NR4A1: variants seen among roughly 807,000 people sequenced by gnomAD.
NR4A1 encodes nuclear receptor subfamily 4immunitygroup A member 1.
In NR4A1, 24 loss-of-function variants were observed where a neutral mutation model predicts 47.5. The ratio of observed to expected loss-of-function variants is 0.50; its 90% CI spans 0.37 to 0.71. The LOEUF is 0.71. NR4A1 is among the 30% of genes least tolerant of loss of function. NR4A1 has a pLI of 0.00. For synonymous variants in NR4A1, 353 were observed against 345.7 expected, an observed-to-expected ratio of 1.02 and a Z score of -0.24; for missense variants, 669 against 788.6, an observed-to-expected ratio of 0.85 and a Z score of 1.82.
At chr12:52,029,518 T>C (rs1377711894) in intron 1 of NR4A1, among the ~76,000 whole-genome samples, 3 of 152,002 alleles carry the variant, frequency 2.0e-5, no homozygotes, top group Non-Finnish European at 4.4e-5. Context: ...TGAAACCCCG[T>C]CTCTACAAAA....
At chr12:52,028,150 C>T (rs1938036387) in intron 1 of NR4A1, among the ~76,000 whole-genome samples, 1 of 127,622 alleles carries the variant, frequency 7.8e-6, no homozygotes, top group Non-Finnish European at 1.6e-5. Context: ...TGCAGTGAGC[C>T]AAGATTGTGC....
intron 3 of NR4A1, 62 bp from the exon 4 acceptor site, chr12:52,056,432 C>A: frequency 1.9e-6 from 3 of 1,586,650 alleles, no homozygotes; most frequent in Non-Finnish European, 2.6e-6. Context: ...GTGTGCACGG[C>A]TTGGGCTGAG....
Position 52,032,172 on chromosome 12 carries a change from G to A in NR4A1, c.-84+9233G>A, listed in dbSNP as rs568785765. On this transcript the variant is annotated intron_variant, in intron 1 of 7. Transcript: ENST00000360284. ...ATGTTATTTCTAGGTGTATTTGTGA[G>A]GCTGTTTCTGGAAGAGATTAGTATT... Among the ~76,000 whole-genome samples the A allele has an allele frequency of 3.3e-5, 5 of 152,308 alleles. No homozygotes were observed. In the East Asian group the frequency reaches 5.8e-4, roughly 18 times the overall value.
At position 52,043,776 on chromosome 12, in the gene NR4A1, G is replaced by A. The variant is rs116931401; in HGVS notation, c.37+1847G>A. On this transcript the variant is annotated intron_variant, in intron 2 of 7. Transcript: ENST00000360284. ...CAGCCTCGGCTGTGAGGATAGGCTGGCTGGGCAGCACGTCTCTCCCCACAG... is the reference window on the plus strand; with the variant it reads ...CAGCCTCGGCTGTGAGGATAGGCTGACTGGGCAGCACGTCTCTCCCCACAG... The A allele has an allele frequency of 5.0e-3, 6,423 of 1,287,464 alleles. 14 individuals carry two copies. Among genetic ancestry groups the A allele is most frequent in the Non-Finnish European group, 5.8e-3 (5,731 of 988,600 alleles). The allele number at this position is 1,287,464 out of a possible 1,614,324, so 79.8% of individuals were successfully genotyped here.
At chr12:52,045,229 G>A (rs549267343) in intron 2 of NR4A1, among the ~76,000 whole-genome samples, 72 of 152,320 alleles carry the variant, frequency 4.7e-4, no homozygotes, top group African/African-American at 1.7e-3. Flanking sequence ...GAGGGCTGCC[G>A]GCTCCCCCGT....
At chr12:52,058,619 C>A (rs1939394440) in intron 6 of NR4A1, 69 bp from the exon 7 acceptor site, 1 of 1,463,910 alleles carries the variant, frequency 6.8e-7, no homozygotes, top group African/African-American at 1.4e-5. Context: ...GTTTTAGGGG[C>A]CTGGGGGAGG....
chr12:52,057,631 T>A, intron 6 of NR4A1, 101 bp downstream of exon 6: 1 of 1,385,588 alleles, frequency 7.2e-7, no homozygotes, highest in African/African-American at 1.4e-5. Flanking sequence ...GGCCGGGATC[T>A]AGCACTTTCT....
In NR4A1 at chr12:52,051,671, A is replaced by G. The variant is rs565432994; in HGVS notation, c.-3+103A>G. The G allele has an allele frequency of 2.7e-5, 21 of 777,600 alleles. No individual in the cohort carries two copies. In the African/African-American group the frequency reaches 3.9e-4, roughly 15 times the overall value. The allele number at this position is 777,600 out of a possible 1,614,324, so 48.2% of individuals were successfully genotyped here. Reference sequence around the variant, plus strand: ...GGATGTTGTAGGGCCGGCATGCAAGAGGGTAGGTGTAGTGTGCAGCTGTAG... The same window carrying G: ...GGATGTTGTAGGGCCGGCATGCAAGGGGGTAGGTGTAGTGTGCAGCTGTAG... On this transcript the variant is annotated intron_variant, in intron 1 of 6. Coordinates refer to ENST00000394825, the MANE Select transcript of NR4A1 (RefSeq NM_173157.3).
At position 52,052,300 on chromosome 12, in the gene NR4A1, TGTGTGAGA is replaced by T. The variant is rs1299186713; in HGVS notation, c.-3+734_-3+741del. On this transcript the variant is annotated intron_variant, in intron 1 of 6. Coordinates refer to ENST00000394825, the MANE Select transcript of NR4A1 (RefSeq NM_173157.3). Reference sequence around the variant, plus strand: ...GTGTGTGTGTGTGTGTGTGTGTGTGTGTGTGAGAGAGAGAGAGAGAGAGAGAGAAAGAG... The same window carrying T: ...GTGTGTGTGTGTGTGTGTGTGTGTGTGAGAGAGAGAGAGAGAGAGAAAGAG... Among the ~76,000 whole-genome samples the T allele has an allele frequency of 1.4e-3, 194 of 135,652 alleles. 1 individual carries two copies. Among genetic ancestry groups the T allele is most frequent in the African/African-American group, 5.1e-3 (171 of 33,634 alleles). The allele number at this position is 135,652 out of a possible 152,430, so 89.0% of individuals were successfully genotyped here.
At chr12:52,043,960 AT>A in intron 2 of NR4A1, 2 of 1,281,310 alleles carry the variant, frequency 1.6e-6, no homozygotes, top group Admixed American at 2.3e-5. Flanking sequence ...GGCTGTTTGG[AT>A]TTTTTCCCAT....
rs1227504038 is a variant in NR4A1, at chr12:52,058,849, C to G, written c.1702C>G (p.Gln568Glu). The G allele has an allele frequency of 3.7e-6, 6 of 1,614,094 alleles. No homozygotes were observed. The highest frequency in any genetic ancestry group is 4.2e-6 in the Non-Finnish European group (5 of 1,179,960). ...KLPELRTLCT[Q>E]GLQRIFYLKL... ...GCCCGAGCTGCGGACCCTGTGCACC[C>G]AGGGCCTGCAGCGCATCTTCTACCT... Residue 568 changes from glutamine to glutamate, a missense_variant, in exon 7 of 7, where the codon CAG (glutamine) becomes GAG (glutamate). Coordinates refer to ENST00000394825, the MANE Select transcript of NR4A1 (RefSeq NM_173157.3).
Position 52,056,345 on chromosome 12 carries a change from GGGGA to G in NR4A1, c.1007-146_1007-143del, listed in dbSNP as rs1281598437. The G allele has an allele frequency of 6.4e-5, 87 of 1,366,710 alleles. No homozygotes were observed. The Admixed American group carries it at 2.0e-3, about 31-fold the overall frequency. 84.7% of individuals were successfully genotyped at this position (1,366,710 alleles called of 1,614,324 possible). A position where few individuals can be genotyped will look rare whatever the true frequency, so the allele number is the denominator to read the frequency against. On this transcript the variant is annotated intron_variant, in intron 3 of 6. Coordinates refer to ENST00000394825, the MANE Select transcript of NR4A1 (RefSeq NM_173157.3). ...GCCTGGATTGTGAGGGTGGTGGCAG[GGGGA>G]GGTTCCTATAGGGTACCTTGGATCT...
chr12:52,025,960 G>C (rs1343454055), intron 1 of NR4A1, among the ~76,000 whole-genome samples: 2 of 152,230 alleles, frequency 1.3e-5, no homozygotes, highest in East Asian at 3.8e-4. Context: ...AAGCAGGAGG[G>C]CCCCCTGCGC....
chr12:52,041,702 C>T lies in NR4A1; in HGVS notation c.-83-108C>T, dbSNP rs1042396141. 2.4e-5 allele frequency: 28 copies of T among 1,187,700 alleles called. No homozygotes were observed. In the African/African-American group the frequency reaches 3.9e-4, roughly 17 times the overall value. The allele number at this position is 1,187,700 out of a possible 1,614,324, so 73.6% of individuals were successfully genotyped here. On this transcript the variant is annotated intron_variant, in intron 1 of 7. Transcript: ENST00000360284. The stretch of plus-strand genomic sequence containing the variant: ...GCGCTGGCTTGTCCCCCTCTTGTGG[C>T]CTAGGTCCTGCCACTGCTCCCATTC...
At chr12:52,036,269 C>T (rs1157552744) in intron 1 of NR4A1, among the ~76,000 whole-genome samples, 4 of 152,074 alleles carry the variant, frequency 2.6e-5, no homozygotes, top group African/African-American at 9.7e-5. Context: ...GTGCCTGCAC[C>T]CCCAGGAAAA....
intron 1 of NR4A1, among the ~76,000 whole-genome samples, chr12:52,031,228 G>A (rs1565638408): frequency 2.0e-5 from 3 of 151,592 alleles, no homozygotes; most frequent in South Asian, 4.2e-4. Context: ...TCTCCCTTAC[G>A]TTGCCCAGGC....
In NR4A1 at chr12:52,058,624, G is replaced by A. The variant is rs1939395194; in HGVS notation, c.1541-64G>A. 3.4e-6 allele frequency: 5 copies of A among 1,468,660 alleles called. No homozygotes were observed. The Admixed American group carries it at 1.2e-4, about 35-fold the overall frequency. The allele number at this position is 1,468,660 out of a possible 1,614,324, so 91.0% of individuals were successfully genotyped here. On this transcript the variant is annotated intron_variant, in intron 6 of 6. Transcript: ENST00000394825. Reference sequence around the variant, plus strand: ...AGGGGCAGCAGTTTTAGGGGCCTGGGGGAGGCTGGGGCTTTGGGGGCCTGG... The same window carrying A: ...AGGGGCAGCAGTTTTAGGGGCCTGGAGGAGGCTGGGGCTTTGGGGGCCTGG...
chr12:52,055,568 G>A (rs2120493793), intron 2 of NR4A1: 1 of 515,370 alleles, frequency 1.9e-6, no homozygotes, highest in East Asian at 3.1e-5. Flanking sequence ...CATGTTCCTG[G>A]CGTGAGATGA....
intron 1 of NR4A1, chr12:52,037,282 G>A (rs1592283624): frequency 1.4e-6 from 1 of 717,832 alleles, no homozygotes; most frequent in Non-Finnish European, 1.7e-6. Context: ...AGCGCGAGGA[G>A]GAGGTGGCGG....
Sources: gnomAD v4.1 joint callset for allele counts (sites outside exome capture counted in the v4.1 genomes callset) on GRCh38, gnomAD v4.1.1 for gene constraint, MANE v1.5 for transcripts, NCBI Gene and HGNC (gene_info 2026-07-23, HGNC 2026-07-21) for gene names.